KIAA1958: variants seen among roughly 807,000 people sequenced by gnomAD.
The protein encoded by KIAA1958 is uncharacterized protein KIAA1958.
Under a neutral mutation model 47.2 loss-of-function variants are expected in KIAA1958, and 14 were observed. The observed-to-expected ratio is 0.30, with a 90% CI of 0.20 to 0.46. The LOEUF (loss-of-function observed/expected upper bound fraction) is 0.46. Ranked by LOEUF, KIAA1958 falls within the 20% of genes least tolerant of loss-of-function variation. The pLI, the probability that KIAA1958 is intolerant of heterozygous loss-of-function variation, is 1.00. For missense variants in KIAA1958, 803 were observed against 909.2 expected (o/e 0.88, Z 1.50); for synonymous variants, 354 against 353.3 (o/e 1.00, Z -0.02).
intron 2 of KIAA1958, among the ~76,000 whole-genome samples, chr9:112,579,173 TTCC>T: frequency 6.6e-6 from 1 of 152,262 alleles, no homozygotes; most frequent in South Asian, 2.1e-4. Context: ...GGAAATACAT[TTCC>T]CACTTTACCA....
At chr9:112,597,392 TGGAG>T (rs1836050221) in intron 2 of KIAA1958, among the ~76,000 whole-genome samples, 1 of 152,226 alleles carries the variant, frequency 6.6e-6, no homozygotes, top group Non-Finnish European at 1.5e-5. Context: ...TTAGAGTTAC[TGGAG>T]GTCACACAGT....
intron 2 of KIAA1958, among the ~76,000 whole-genome samples, chr9:112,625,735 T>C (rs563937249): frequency 6.6e-6 from 1 of 152,350 alleles, no homozygotes; most frequent in East Asian, 1.9e-4. Flanking sequence ...GAATGTGACA[T>C]TTCACTTTTC....
chr9:112,526,310 G>A (rs1195912663), intron 1 of KIAA1958, among the ~76,000 whole-genome samples: 1 of 151,894 alleles, frequency 6.6e-6, no homozygotes, highest in African/African-American at 2.4e-5. Context: ...CTGAAGTGCA[G>A]TGGCACTGTC....
At chr9:112,544,987 T>C (rs1252435096) in intron 1 of KIAA1958, among the ~76,000 whole-genome samples, 2 of 152,136 alleles carry the variant, frequency 1.3e-5, no homozygotes, top group Non-Finnish European at 2.9e-5. Flanking sequence ...AAATCCTGAG[T>C]GCCCCAGCGA....
intron 2 of KIAA1958, among the ~76,000 whole-genome samples, chr9:112,576,675 C>G (rs1263845965): frequency 1.3e-5 from 2 of 152,184 alleles, no homozygotes; most frequent in East Asian, 3.8e-4. Context: ...TGTAGCGTTT[C>G]TTTCCTTTTT....
chr9:112,552,918 CT>C (rs1835177273), intron 1 of KIAA1958, among the ~76,000 whole-genome samples: 1 of 152,096 alleles, frequency 6.6e-6, no homozygotes, highest in African/African-American at 2.4e-5. Context: ...CACATCATCC[CT>C]TTATGATGGG....
chr9:112,507,144 G>GA (rs11403753), intron 1 of KIAA1958, among the ~76,000 whole-genome samples: 145,428 of 152,254 alleles, frequency 0.96, 69,511 homozygotes, highest in African/African-American at 0.98. Flanking sequence ...GATAAAGCAT[G>GA]AAATTGTGAC....
At chr9:112,635,060 A>C (rs922168741) in intron 2 of KIAA1958, among the ~76,000 whole-genome samples, 1 of 151,958 alleles carries the variant, frequency 6.6e-6, no homozygotes. Context: ...CTTTTATTGT[A>C]TTATTCTTGG....
At chr9:112,500,947 CAA>C (rs948330260) in intron 1 of KIAA1958, among the ~76,000 whole-genome samples, 4 of 124,214 alleles carry the variant, frequency 3.2e-5, no homozygotes, top group South Asian at 2.6e-4. Context: ...CCCATCGCTA[CAA>C]AAAAAAAAAA....
At chr9:112,623,621 T>G (rs1836548885) in intron 2 of KIAA1958, among the ~76,000 whole-genome samples, 1 of 152,214 alleles carries the variant, frequency 6.6e-6, no homozygotes, top group Non-Finnish European at 1.5e-5. Flanking sequence ...GATGAGATAT[T>G]AAGCAGTTTG....
chr9:112,540,552 A>G (rs369686401), intron 1 of KIAA1958, among the ~76,000 whole-genome samples: 14 of 152,210 alleles, frequency 9.2e-5, no homozygotes, highest in Middle Eastern at 3.2e-3. Context: ...TTCTGTGATC[A>G]CATTATTGTA....
chr9:112,522,888 A>C (rs528510059), intron 1 of KIAA1958, among the ~76,000 whole-genome samples: 1 of 152,202 alleles, frequency 6.6e-6, no homozygotes, highest in Non-Finnish European at 1.5e-5. Context: ...AACATCTGAC[A>C]TCTACCTCTT....
intron 1 of KIAA1958, among the ~76,000 whole-genome samples, chr9:112,524,841 C>T (rs1014146727): frequency 3.3e-5 from 5 of 152,136 alleles, no homozygotes; most frequent in African/African-American, 4.8e-5. Flanking sequence ...GTTGCTGGTT[C>T]ACAGCGCCCT....
rs148817043 is a variant in KIAA1958, at chr9:112,659,719, G to A, written c.1801G>A (p.Val601Ile). 270 of 1,614,188 alleles carry A rather than the reference G, an allele frequency of 1.7e-4. No homozygotes were observed. The highest frequency in any genetic ancestry group is 7.9e-4 in the African/African-American group (59 of 75,052). ...NQPYFARTDS[V>I]KRESRSGSTR... is the part of the protein sequence containing the mutation. ...GCCCTACTTTGCCCGGACGGACAGC[G>A]TCAAGCGGGAGAGTCGGAGCGGCTC... Residue 601 changes from valine (V) to isoleucine (I), a missense_variant, in exon 4 of 4, where the codon GTC (valine) becomes ATC (isoleucine). Around this residue, in one of 2 missense-constraint regions of KIAA1958, gnomAD observed 761 missense variants for 829.3 expected, o/e 0.92. Coordinates refer to ENST00000337530, the MANE Select transcript of KIAA1958 (RefSeq NM_133465.4).
At chr9:112,657,201 C>T (rs1338314723) in intron 3 of KIAA1958, among the ~76,000 whole-genome samples, 1 of 152,058 alleles carries the variant, frequency 6.6e-6, no homozygotes. Context: ...GATTCTCCTG[C>T]CTCAGCCTCC....
chr9:112,603,612 C>T (rs1836174029), intron 2 of KIAA1958, among the ~76,000 whole-genome samples: 1 of 152,190 alleles, frequency 6.6e-6, no homozygotes, highest in East Asian at 1.9e-4. Context: ...GGGCCTAGAG[C>T]CCACACCATA....
At chr9:112,607,358 G>C (rs1836253064) in intron 2 of KIAA1958, among the ~76,000 whole-genome samples, 1 of 151,866 alleles carries the variant, frequency 6.6e-6, no homozygotes, top group Admixed American at 6.6e-5. Flanking sequence ...AAAAAAAAAG[G>C]CGTGGGAATG....
At chr9:112,595,142 G>T (rs898143961) in intron 2 of KIAA1958, among the ~76,000 whole-genome samples, 1 of 152,146 alleles carries the variant, frequency 6.6e-6, no homozygotes, top group Non-Finnish European at 1.5e-5. Flanking sequence ...ATCTCAAAGT[G>T]ATTGATAGAA....
chr9:112,509,892 G>C (rs1329739012), intron 1 of KIAA1958, among the ~76,000 whole-genome samples: 1 of 152,194 alleles, frequency 6.6e-6, no homozygotes, highest in Non-Finnish European at 1.5e-5. Flanking sequence ...ATAGCTCCAA[G>C]AGCTCGAGGG....
Sources: gnomAD v4.1 joint callset for allele counts (sites outside exome capture counted in the v4.1 genomes callset) on GRCh38, gnomAD v4.1.1 for gene constraint, gnomAD v4.1.1 regional missense constraint, MANE v1.5 for transcripts, NCBI Gene and HGNC (gene_info 2026-07-23, HGNC 2026-07-21) for gene names.